SOS1: variants seen among roughly 807,000 people sequenced by gnomAD.
SOS1 encodes the protein SOS Ras/Rac guanine nucleotide exchange factor 1, also known as son of sevenless homolog 1.
SOS1 carries 25 observed loss-of-function variants against 157.6 expected under a neutral mutation model. The ratio of observed to expected loss-of-function variants is 0.16; its 90% CI spans 0.12 to 0.22. SOS1 has a LOEUF of 0.22. SOS1 is among the 10% of genes least tolerant of loss of function. SOS1 has a pLI of 1.00. For synonymous variants in SOS1, 528 were observed against 534.0 expected (o/e 0.99, Z 0.16); for missense variants, 1,237 against 1,599.1 (o/e 0.77, Z 3.86).
chr2:39,091,899 A>C (rs563652044), intron 1 of SOS1, among the ~76,000 whole-genome samples: 1 of 152,302 alleles, frequency 6.6e-6, no homozygotes, highest in African/African-American at 2.4e-5. Context: ...ACTCCAATGG[A>C]CACAACATAG....
intron 8 of SOS1, among the ~76,000 whole-genome samples, chr2:39,029,155 A>G (rs1237910577): frequency 6.6e-6 from 1 of 152,204 alleles, no homozygotes; most frequent in Non-Finnish European, 1.5e-5. Context: ...TGGGTGGAGA[A>G]GATGAAATTC....
intron 15 of SOS1, among the ~76,000 whole-genome samples, chr2:39,010,344 A>G (rs1050719092): frequency 1.3e-5 from 2 of 151,750 alleles, no homozygotes; most frequent in African/African-American, 4.8e-5. Flanking sequence ...AAAGAAAGAA[A>G]GAAAATTAAA....
At position 39,058,654 on chromosome 2, in the gene SOS1, G is replaced by A; in HGVS notation, c.345+19C>T. ...TTATTTTTCCCTTAAAAGGCAAGAA[G>A]GCAGTAGTTCAGCATTACCTTTAAT... On this transcript the variant is annotated intron_variant, in intron 3 of 22. Coordinates refer to ENST00000402219, the MANE Select transcript of SOS1 (RefSeq NM_005633.4). 1.2e-6 allele frequency: 2 copies of A among 1,611,058 alleles called. No individual in the cohort carries two copies. The highest frequency in any genetic ancestry group is 1.7e-6 in the Non-Finnish European group (2 of 1,177,822).
chr2:39,054,619 C>A lies in SOS1; in HGVS notation c.715G>T (p.Ala239Ser). The A allele has an allele frequency of 1.3e-6, 2 of 1,544,134 alleles. No individual in the cohort carries two copies. Among genetic ancestry groups the A allele is most frequent in the Non-Finnish European group, 1.8e-6 (2 of 1,117,420 alleles). Residue 239 changes from alanine to serine, a missense_variant, in exon 5 of 23, where the codon GCT (alanine) becomes TCT (serine). By Grantham distance (99) the Ala-to-Ser change is moderately conservative. Coordinates refer to ENST00000402219, the MANE Select transcript of SOS1 (RefSeq NM_005633.4). ...PFVSNSKLFS[A>S]NDVENIFSRI... Reference sequence around the variant, plus strand: ...ATATATACAATGATACTTACATTAGCTGAAAACAATTTTGAATTGGAGACA... The same window carrying A: ...ATATATACAATGATACTTACATTAGATGAAAACAATTTTGAATTGGAGACA...
intron 1 of SOS1, among the ~76,000 whole-genome samples, chr2:39,109,149 T>C (rs1048489493): frequency 3.3e-5 from 5 of 152,156 alleles, no homozygotes; most frequent in African/African-American, 1.2e-4. Context: ...CAGTAAGCCA[T>C]GATCGCACTA....
chr2:39,000,371 ATGTG>A (rs1669051348), intron 17 of SOS1, among the ~76,000 whole-genome samples: 1 of 152,216 alleles, frequency 6.6e-6, no homozygotes, highest in Non-Finnish European at 1.5e-5. Context: ...CATAGCGTAT[ATGTG>A]TGTATGTATA....
rs762428965 is a variant in SOS1 at position 39,003,072 on chromosome 2, A to AC, written c.2791+3339_2791+3340insG. 5.0e-3 allele frequency among the ~76,000 whole-genome samples: 642 copies of AC among 127,212 alleles called. 8 individuals carry two copies. The highest frequency in any genetic ancestry group is 0.027 in the East Asian group (115 of 4,188). 83.5% of individuals were successfully genotyped at this position (127,212 alleles called of 152,430 possible). A position where few individuals can be genotyped will look rare whatever the true frequency, so the allele number is the denominator to read the frequency against. ...ATAAAGTGAGACCTTGTATCAAAAA[A>AC]AAAAAAGAACGTAGGGGTAGGGGAA... On this transcript the variant is annotated intron_variant, in intron 17 of 22. Transcript: ENST00000402219.
chr2:39,025,362 T>G (rs1435774852), intron 8 of SOS1, among the ~76,000 whole-genome samples: 1 of 152,148 alleles, frequency 6.6e-6, no homozygotes, highest in Non-Finnish European at 1.5e-5. Context: ...TTTTCTTTTT[T>G]TTTTTTAGAT....
intron 1 of SOS1, among the ~76,000 whole-genome samples, chr2:39,075,330 T>C (rs753151053): frequency 4.6e-5 from 7 of 152,088 alleles, no homozygotes; most frequent in South Asian, 4.1e-4. Context: ...TAGAAGACAA[T>C]ATTTTCCAGG....
At chr2:39,106,146 G>T (rs1258109585) in intron 1 of SOS1, among the ~76,000 whole-genome samples, 1 of 151,200 alleles carries the variant, frequency 6.6e-6, no homozygotes, top group African/African-American at 2.4e-5. Context: ...CTTGAGCCTA[G>T]AAGGTGGAGG....
chr2:39,119,152 G>A (rs1409642613), intron 1 of SOS1, among the ~76,000 whole-genome samples: 2 of 152,156 alleles, frequency 1.3e-5, no homozygotes, highest in Admixed American at 6.6e-5. Context: ...AGAGCCTGAA[G>A]GGATTTCTAA....
rs777745085 is a variant in SOS1 at position 39,051,213 on chromosome 2, A to G, written c.795T>C (p.Asp265=). 5 of 1,612,406 alleles carry G rather than the reference A, an allele frequency of 3.1e-6. No individual in the cohort carries two copies. In the East Asian group the frequency reaches 8.9e-5, roughly 29 times the overall value. The stretch of plus-strand genomic sequence containing the variant: ...TGCCTTCATCTGTCATTTCTACTGT[A>G]TCTTCTATATGGCCCAGTAACTTTA... ...LSVKLLGHIE[D]TVEMTDEGSP... Residue 265 remains aspartate (D), a synonymous_variant, in exon 6 of 23, where the codon GAT becomes GAC. Transcript: ENST00000402219.
intron 1 of SOS1, among the ~76,000 whole-genome samples, chr2:39,118,136 G>C (rs1156774063): frequency 1.3e-5 from 2 of 152,130 alleles, no homozygotes; most frequent in Admixed American, 6.6e-5. Flanking sequence ...GAAAACAAAG[G>C]AGTAATATCC....
At chr2:39,007,438 C>T in intron 15 of SOS1, 1 of 474,340 alleles carries the variant, frequency 2.1e-6, no homozygotes, top group East Asian at 3.9e-5. Context: ...TTTGGTGCAT[C>T]CTCTATTAGC....
At chr2:39,116,513 A>T (rs1673655883) in intron 1 of SOS1, among the ~76,000 whole-genome samples, 2 of 152,170 alleles carry the variant, frequency 1.3e-5, no homozygotes, top group South Asian at 4.1e-4. Context: ...TCTTCTCCAA[A>T]CCATTTTCCA....
upstream of SOS1, among the ~76,000 whole-genome samples, chr2:39,121,767 A>G (rs1673902403): frequency 6.6e-6 from 1 of 152,234 alleles, no homozygotes; most frequent in African/African-American, 2.4e-5. Flanking sequence ...CAGGGCCTCT[A>G]CACAGTGTAG....
chr2:38,996,519 T>C (rs921281383), intron 19 of SOS1, among the ~76,000 whole-genome samples: 7 of 152,220 alleles, frequency 4.6e-5, no homozygotes, highest in East Asian at 1.9e-4. Flanking sequence ...CAAGAAAGTA[T>C]TGTTAGCAAA....
chr2:39,091,913 A>G (rs1411680551), intron 1 of SOS1, among the ~76,000 whole-genome samples: 2 of 152,170 alleles, frequency 1.3e-5, no homozygotes, highest in Non-Finnish European at 2.9e-5. Flanking sequence ...AACATAGCCC[A>G]ATTATGATCA....
At chr2:39,048,340 G>A (rs542634428) in intron 6 of SOS1, among the ~76,000 whole-genome samples, 133 of 152,046 alleles carry the variant, frequency 8.7e-4, no homozygotes, top group Non-Finnish European at 5.6e-4. Flanking sequence ...AAAGAGAAAC[G>A]TGCTGCCATT....
Sources: allele counts gnomAD v4.1 joint callset (sites outside exome capture counted in the v4.1 genomes callset), GRCh38; gene constraint gnomAD v4.1.1; transcripts MANE v1.5; gene names NCBI Gene and HGNC (gene_info 2026-07-23, HGNC 2026-07-21).